Variants in LHFPL3 observed in about 807,000 individuals in gnomAD.
LHFPL3 encodes the protein LHFPL tetraspan subfamily member 3.
LHFPL3 carries 5 observed loss-of-function variants against 19.3 expected under a neutral mutation model. The ratio of observed to expected loss-of-function variants is 0.26; its 90% CI spans 0.14 to 0.54. The LOEUF is 0.54. LHFPL3 is among the 20% of genes least tolerant of loss of function. LHFPL3 has a pLI of 0.94. For synonymous variants in LHFPL3, 133 were observed against 126.2 expected, an observed-to-expected ratio of 1.05 and a Z score of -0.36; for missense variants, 249 against 307.4, an observed-to-expected ratio of 0.81 and a Z score of 1.42.
chr7:104,543,556 C>G (rs1794527058), intron 1 of LHFPL3, among the ~76,000 whole-genome samples: 1 of 151,766 alleles, frequency 6.6e-6, no homozygotes, highest in Admixed American at 6.6e-5. Context: ...AAATGTGGCA[C>G]ATATACACCA....
intron 1 of LHFPL3, among the ~76,000 whole-genome samples, chr7:104,410,417 G>A (rs772127354): frequency 6.6e-6 from 1 of 152,198 alleles, no homozygotes; most frequent in Non-Finnish European, 1.5e-5. Context: ...ACAGGCATGA[G>A]CCGCTGCACC....
intron 1 of LHFPL3, among the ~76,000 whole-genome samples, chr7:104,658,323 T>C (rs2115972273): frequency 6.6e-6 from 1 of 152,336 alleles, no homozygotes; most frequent in South Asian, 2.1e-4. Flanking sequence ...CATACCTCTT[T>C]CTGTATTTTT....
At chr7:104,406,089 G>A (rs780345008) in intron 1 of LHFPL3, among the ~76,000 whole-genome samples, 5 of 152,186 alleles carry the variant, frequency 3.3e-5, no homozygotes, top group Admixed American at 2.6e-4. Flanking sequence ...TTTCACAAGT[G>A]TGCTGTCAAA....
chr7:104,636,238 C>A (rs551570372), intron 1 of LHFPL3, among the ~76,000 whole-genome samples: 1 of 152,050 alleles, frequency 6.6e-6, no homozygotes, highest in East Asian at 1.9e-4. Flanking sequence ...AAAGCAGATG[C>A]ATTTAGAGGT....
intron 1 of LHFPL3, among the ~76,000 whole-genome samples, chr7:104,689,756 T>G (rs1792874605): frequency 6.6e-6 from 1 of 152,162 alleles, no homozygotes; most frequent in Non-Finnish European, 1.5e-5. Flanking sequence ...AAAGTATCAT[T>G]GTGGTCCTCC....
chr7:104,354,445 A>C (rs1300337686), intron 1 of LHFPL3, among the ~76,000 whole-genome samples: 2 of 152,204 alleles, frequency 1.3e-5, no homozygotes, highest in Non-Finnish European at 2.9e-5. Context: ...ACTTTGGGCC[A>C]GTTTGTTGCT....
intron 2 of LHFPL3, among the ~76,000 whole-genome samples, chr7:104,833,094 A>T (rs1328078658): frequency 2.2e-5 from 2 of 88,992 alleles, no homozygotes; most frequent in Non-Finnish European, 4.1e-5. Context: ...TAATATATAT[A>T]ATAGGATATA....
chr7:104,615,505 C>A (rs1488065171), intron 1 of LHFPL3, among the ~76,000 whole-genome samples: 2 of 152,138 alleles, frequency 1.3e-5, no homozygotes, highest in African/African-American at 4.8e-5. Context: ...ATGGATAGTT[C>A]TCCTAAATTC....
intron 1 of LHFPL3, among the ~76,000 whole-genome samples, chr7:104,548,890 A>C (rs1020689835): frequency 2.0e-5 from 3 of 152,164 alleles, no homozygotes; most frequent in Non-Finnish European, 4.4e-5. Context: ...CCTGCACAAA[A>C]CAACAGGACC....
In LHFPL3 at chr7:104,494,470, T is replaced by C. The variant is rs142581123; in HGVS notation, c.445+165246T>C. Among the ~76,000 whole-genome samples the C allele has an allele frequency of 1.8e-3, 271 of 152,204 alleles. 2 individuals are homozygous for C. The highest frequency in any genetic ancestry group is 6.1e-3 in the African/African-American group (255 of 41,556). On this transcript the variant is annotated intron_variant, in intron 1 of 2. Coordinates refer to ENST00000424859, the MANE Select transcript of LHFPL3 (RefSeq NM_199000.3). Reference sequence around the variant, plus strand: ...ATTATGTTCCTTTTGCTGAGATCTCTCCTCTCATTTTCACATGTTTACATC... The same window carrying C: ...ATTATGTTCCTTTTGCTGAGATCTCCCCTCTCATTTTCACATGTTTACATC...
chr7:104,721,900 G>A (rs1793499188), intron 1 of LHFPL3, among the ~76,000 whole-genome samples: 1 of 152,032 alleles, frequency 6.6e-6, no homozygotes, highest in African/African-American at 2.4e-5. Flanking sequence ...ATTATGATGT[G>A]TATTATTATT....
chr7:104,501,230 A>G (rs1248593199), intron 1 of LHFPL3, among the ~76,000 whole-genome samples: 2 of 152,198 alleles, frequency 1.3e-5, no homozygotes, highest in Admixed American at 1.3e-4. Flanking sequence ...GTATATTTCC[A>G]CAGACTCTTT....
intron 1 of LHFPL3, among the ~76,000 whole-genome samples, chr7:104,589,514 C>G (rs953813748): frequency 6.6e-6 from 1 of 151,982 alleles, no homozygotes; most frequent in Non-Finnish European, 1.5e-5. Context: ...TTCAGTTTGC[C>G]GGTATTTTTT....
intron 2 of LHFPL3, among the ~76,000 whole-genome samples, chr7:104,749,008 GT>G (rs1350319047): frequency 2.6e-5 from 4 of 152,140 alleles, no homozygotes; most frequent in African/African-American, 9.7e-5. Flanking sequence ...TACTATTTAA[GT>G]CTGAGTTTCC....
chr7:104,819,867 T>C (rs969211458), intron 2 of LHFPL3, among the ~76,000 whole-genome samples: 7 of 152,194 alleles, frequency 4.6e-5, no homozygotes, highest in African/African-American at 1.7e-4. Context: ...CACACATGGC[T>C]GTGTAAAGAA....
chr7:104,526,669 G>A (rs1040620985), intron 1 of LHFPL3, among the ~76,000 whole-genome samples: 1 of 152,156 alleles, frequency 6.6e-6, no homozygotes, highest in Non-Finnish European at 1.5e-5. Flanking sequence ...TTTTGTTGAT[G>A]TTGCAATTCA....
chr7:104,739,390 G>C (rs978615675), intron 2 of LHFPL3, among the ~76,000 whole-genome samples: 9 of 152,178 alleles, frequency 5.9e-5, no homozygotes, highest in African/African-American at 2.2e-4. Flanking sequence ...CAGTAGTTTA[G>C]TAGTGTTCAG....
intron 1 of LHFPL3, among the ~76,000 whole-genome samples, chr7:104,430,441 TATATATATATATA>T (rs1457497748): frequency 1.3e-4 from 2 of 15,788 alleles, no homozygotes; most frequent in South Asian, 2.2e-3. Context: ...TATATATATA[TATATATATATATA>T]TTTTTTTTTT....
intron 1 of LHFPL3, among the ~76,000 whole-genome samples, chr7:104,701,236 G>T (rs1793093647): frequency 1.3e-5 from 2 of 151,976 alleles, no homozygotes; most frequent in Admixed American, 1.3e-4. Context: ...CTTGTCTTTT[G>T]TGGGTGAATT....
Sources: allele counts gnomAD v4.1 joint callset (sites outside exome capture counted in the v4.1 genomes callset), GRCh38; gene constraint gnomAD v4.1.1; transcripts MANE v1.5; gene names NCBI Gene and HGNC (gene_info 2026-07-23, HGNC 2026-07-21).